STPG2: variants seen among roughly 807,000 people sequenced by gnomAD.
STPG2 encodes the protein sperm-tail PG-rich repeat-containing protein 2.
A neutral mutation model predicts 54.2 loss-of-function variants in STPG2; 56 were observed. The ratio of observed to expected loss-of-function variants is 1.03; its 90% CI spans 0.83 to 1.29. The LOEUF (loss-of-function observed/expected upper bound fraction) is 1.29. STPG2 is among the 50% of genes most tolerant of loss of function. STPG2 has a pLI of 0.00. For missense variants in STPG2, 596 were observed against 544.9 expected (o/e 1.09, Z -0.93); for synonymous variants, 200 against 181.8 (o/e 1.10, Z -0.81).
chr4:97,931,652 G>T (rs1428559764), intron 8 of STPG2, among the ~76,000 whole-genome samples: 2 of 64,768 alleles, frequency 3.1e-5, no homozygotes, highest in Non-Finnish European at 5.0e-5. Flanking sequence ...TTTTGTTTTT[G>T]GTTTTTTTGT....
chr4:97,985,518 T>G (rs1391558521), intron 5 of STPG2, among the ~76,000 whole-genome samples: 2 of 152,206 alleles, frequency 1.3e-5, no homozygotes, highest in Non-Finnish European at 2.9e-5. Flanking sequence ...AATAAGCATC[T>G]CAGAAATGTA....
chr4:97,505,718 A>T (rs1050135327), intron 4 of STPG2, among the ~76,000 whole-genome samples: 1 of 151,918 alleles, frequency 6.6e-6, no homozygotes, highest in African/African-American at 2.4e-5. Flanking sequence ...TTTTCTCAAA[A>T]TGTAAAATTA....
chr4:97,483,856 T>G (rs942523709), intron 4 of STPG2, among the ~76,000 whole-genome samples: 1 of 151,640 alleles, frequency 6.6e-6, no homozygotes, highest in African/African-American at 2.4e-5. Context: ...TTTAAGAAAT[T>G]TGAAATTATA....
At chr4:97,705,180 T>C (rs1723900681) in intron 10 of STPG2, among the ~76,000 whole-genome samples, 2 of 152,116 alleles carry the variant, frequency 1.3e-5, no homozygotes, top group Non-Finnish European at 1.5e-5. Flanking sequence ...GGATATTCTA[T>C]TCTCCAGTGC....
intron 4 of STPG2, among the ~76,000 whole-genome samples, chr4:97,461,044 T>G (rs1729649580): frequency 1.3e-5 from 2 of 152,222 alleles, no homozygotes; most frequent in South Asian, 2.1e-4. Flanking sequence ...TGTTTCCAAT[T>G]CTAGCTATTA....
chr4:97,839,921 G>A (rs1430577496), intron 9 of STPG2, among the ~76,000 whole-genome samples: 1 of 151,306 alleles, frequency 6.6e-6, no homozygotes, highest in Non-Finnish European at 1.5e-5. Flanking sequence ...ACAATGGTAT[G>A]GTTGTTTAGT....
chr4:97,927,067 G>C (rs1732357807), intron 8 of STPG2, among the ~76,000 whole-genome samples: 2 of 152,166 alleles, frequency 1.3e-5, no homozygotes, highest in Non-Finnish European at 2.9e-5. Flanking sequence ...GTGGAGCTGA[G>C]ATTTAAAAAG....
chr4:97,599,838 G>GAAAAA (rs1422573536), intron 10 of STPG2, among the ~76,000 whole-genome samples: 1 of 139,866 alleles, frequency 7.1e-6, no homozygotes, highest in African/African-American at 2.7e-5. Context: ...AAAAAAAAAA[G>GAAAAA]AAAAGAAAAG....
chr4:97,803,464 G>A (rs1727458049), intron 9 of STPG2, among the ~76,000 whole-genome samples: 1 of 152,148 alleles, frequency 6.6e-6, no homozygotes, highest in African/African-American at 2.4e-5. Flanking sequence ...GGAGGTGGAG[G>A]TGGGGGAGGA....
rs555630172 is a variant in STPG2, at chr4:97,867,999, G to A, written c.1045-27067C>T. ...GGGGTTTTATTTTTTAAAAGAAAGA[G>A]AAAATGGGTATTGTAAAAGCAACTT... On this transcript the variant is annotated intron_variant, in intron 8 of 10. Transcript: ENST00000295268. 2.6e-4 allele frequency among the ~76,000 whole-genome samples: 39 copies of A among 152,028 alleles called. No individual in the cohort carries two copies. The East Asian group carries it at 7.1e-3, about 28-fold the overall frequency.
intron 5 of STPG2, among the ~76,000 whole-genome samples, chr4:98,015,600 C>T (rs1490128863): frequency 6.6e-6 from 1 of 152,134 alleles, no homozygotes; most frequent in Admixed American, 6.5e-5. Context: ...ACATTTTACA[C>T]TGCTGGTGGG....
chr4:97,779,405 C>A (rs570905268), intron 9 of STPG2, among the ~76,000 whole-genome samples: 56 of 152,226 alleles, frequency 3.7e-4, no homozygotes, highest in Non-Finnish European at 6.9e-4. Context: ...AAGAAATGAA[C>A]AAAGCCTCCA....
At chr4:97,989,676 T>C (rs939923847) in intron 5 of STPG2, among the ~76,000 whole-genome samples, 6 of 152,228 alleles carry the variant, frequency 3.9e-5, no homozygotes, top group African/African-American at 7.2e-5. Flanking sequence ...CTTTGGCATA[T>C]CCAACTTGCT....
At position 97,545,456 on chromosome 4, in the gene STPG2, A is replaced by C. The variant is rs141593916; in HGVS notation, c.462+167243T>G. Among the ~76,000 whole-genome samples, 87 of 152,256 alleles carry C rather than the reference A, an allele frequency of 5.7e-4. 1 individual carries two copies. The East Asian group carries it at 0.011, about 20-fold the overall frequency. ...GGATTTCATATGAATAAAAATGTTA[A>C]GCAATGAGATTGCAAAAAGATTAGC... On this transcript the variant is annotated intron_variant, in intron 4 of 4. Coordinates refer to the STPG2 transcript ENST00000522676.
intron 3 of STPG2, among the ~76,000 whole-genome samples, chr4:98,112,101 G>A (rs563489675): frequency 2.6e-4 from 40 of 152,064 alleles, no homozygotes; most frequent in African/African-American, 8.7e-4. Flanking sequence ...ATAATCACAT[G>A]AGCCAATTCC....
At chr4:97,781,890 T>A (rs540852110) in intron 9 of STPG2, among the ~76,000 whole-genome samples, 1 of 152,336 alleles carries the variant, frequency 6.6e-6, no homozygotes, top group East Asian at 1.9e-4. Flanking sequence ...CAGCCCTTCA[T>A]GCTAAAAACT....
At chr4:97,641,965 T>G (rs1265972840) in intron 10 of STPG2, among the ~76,000 whole-genome samples, 1 of 151,544 alleles carries the variant, frequency 6.6e-6, no homozygotes, top group African/African-American at 2.4e-5. Context: ...CATAAAATAA[T>G]AACACCTATT....
intron 5 of STPG2, among the ~76,000 whole-genome samples, chr4:98,081,579 T>G (rs1738346211): frequency 6.6e-6 from 1 of 152,226 alleles, no homozygotes; most frequent in Admixed American, 6.5e-5. Flanking sequence ...TTACATGAAC[T>G]ATTATTCTGA....
At chr4:97,606,634 G>C (rs1733600103) in intron 10 of STPG2, among the ~76,000 whole-genome samples, 1 of 151,838 alleles carries the variant, frequency 6.6e-6, no homozygotes, top group African/African-American at 2.4e-5. Flanking sequence ...TTTTGTGAAA[G>C]ATATTCTTTA....
Sources: gnomAD v4.1 joint callset for allele counts (sites outside exome capture counted in the v4.1 genomes callset) on GRCh38, gnomAD v4.1.1 for gene constraint, MANE v1.5 for transcripts, NCBI Gene and HGNC (gene_info 2026-07-23, HGNC 2026-07-21) for gene names.